The following QTMAN variants were observed in gnomAD, a reference collection of about 807,000 sequenced individuals.
QTMAN encodes the protein queuosine-tRNA mannosyltransferase.
chr2:143,994,235 G>A, the QTMAN span, among the ~76,000 whole-genome samples: 1 of 152,144 alleles, frequency 6.6e-6, no homozygotes. Context: ...ACACAGTACG[G>A]TGCCTGGCTT....
the QTMAN span, among the ~76,000 whole-genome samples, chr2:144,096,915 C>CCGATGTGA: frequency 2.6e-5 from 4 of 152,306 alleles, no homozygotes; most frequent in East Asian, 7.7e-4. Flanking sequence ...AAGTGATGTG[C>CCGATGTGA]AGAGAATAGT....
At chr2:144,213,433 TTA>T in the QTMAN span, among the ~76,000 whole-genome samples, 2 of 152,204 alleles carry the variant, frequency 1.3e-5, no homozygotes, top group African/African-American at 4.8e-5. Context: ...AAAATAAATT[TTA>T]GTCACACTGA....
At chr2:144,258,648 A>G in the QTMAN span, among the ~76,000 whole-genome samples, 4 of 152,200 alleles carry the variant, frequency 2.6e-5, no homozygotes, top group African/African-American at 7.2e-5. Context: ...TACAACATCC[A>G]TAAGCTCTTC....
At chr2:144,226,895 T>C in the QTMAN span, among the ~76,000 whole-genome samples, 1 of 152,254 alleles carries the variant, frequency 6.6e-6, no homozygotes, top group Middle Eastern at 3.4e-3. Flanking sequence ...GAGCCATTCC[T>C]TCTGCAGATT....
At chr2:144,034,016 C>T in the QTMAN span, among the ~76,000 whole-genome samples, 1 of 152,168 alleles carries the variant, frequency 6.6e-6, no homozygotes, top group South Asian at 2.1e-4. Context: ...AGTAAGTCTT[C>T]GAATATCCAG....
the QTMAN span, among the ~76,000 whole-genome samples, chr2:144,126,556 A>G: frequency 6.6e-6 from 1 of 152,088 alleles, no homozygotes; most frequent in African/African-American, 2.4e-5. Flanking sequence ...TCCTCACTTA[A>G]CGGCTTCAAT....
At chr2:144,047,921 T>C in the QTMAN span, among the ~76,000 whole-genome samples, 4 of 152,230 alleles carry the variant, frequency 2.6e-5, 1 homozygote, top group Admixed American at 1.3e-4. Flanking sequence ...TATTTAACTA[T>C]TGAAGAAATT....
the QTMAN span, among the ~76,000 whole-genome samples, chr2:144,209,141 G>A: frequency 3.3e-5 from 5 of 152,280 alleles, no homozygotes; most frequent in Non-Finnish European, 5.9e-5. Flanking sequence ...TTGTTCGGCT[G>A]TAAGCCTAAC....
At chr2:143,955,824 CTTTA>C in the QTMAN span, among the ~76,000 whole-genome samples, 4 of 152,206 alleles carry the variant, frequency 2.6e-5, no homozygotes, top group Admixed American at 6.5e-5. Flanking sequence ...CTTTCTCCTA[CTTTA>C]TTTGTGTAAA....
At chr2:144,093,208 A>G in the QTMAN span, among the ~76,000 whole-genome samples, 8 of 152,220 alleles carry the variant, frequency 5.3e-5, no homozygotes, top group Admixed American at 3.9e-4. Context: ...AAAGAGTTCT[A>G]AAGTTCTAAG....
the QTMAN span, among the ~76,000 whole-genome samples, chr2:144,031,755 T>A: frequency 5.2e-4 from 79 of 152,096 alleles, 1 homozygote; most frequent in African/African-American, 1.5e-3. Context: ...TATGATTACT[T>A]CTTCTTCTTC....
chr2:144,129,089 G>A, the QTMAN span, among the ~76,000 whole-genome samples: 2 of 151,616 alleles, frequency 1.3e-5, no homozygotes, highest in Non-Finnish European at 2.9e-5. Flanking sequence ...ATGCACTTAA[G>A]GATTCCGTAT....
chr2:144,036,376 T>A, the QTMAN span, among the ~76,000 whole-genome samples: 1 of 152,202 alleles, frequency 6.6e-6, no homozygotes, highest in Non-Finnish European at 1.5e-5. Context: ...TCTTTATTAA[T>A]TGACAAAAGA....
At chr2:144,288,706 C>T in the QTMAN span, among the ~76,000 whole-genome samples, 2 of 152,172 alleles carry the variant, frequency 1.3e-5, no homozygotes, top group Non-Finnish European at 1.5e-5. Flanking sequence ...ATGAGAATAT[C>T]CCTGGAATTG....
chr2:143,970,920 T>C, the QTMAN span, among the ~76,000 whole-genome samples: 10 of 152,228 alleles, frequency 6.6e-5, no homozygotes, highest in South Asian at 2.1e-4. Context: ...CTTCACACTA[T>C]AGCATCAGCA....
At chr2:143,967,644 T>C in the QTMAN span, among the ~76,000 whole-genome samples, 1 of 152,144 alleles carries the variant, frequency 6.6e-6, no homozygotes, top group African/African-American at 2.4e-5. Context: ...AATGATAATG[T>C]AGTACCCAAA....
the QTMAN span, among the ~76,000 whole-genome samples, chr2:144,105,211 A>T: frequency 6.6e-6 from 1 of 152,188 alleles, no homozygotes; most frequent in Non-Finnish European, 1.5e-5. Flanking sequence ...TCCCCCTCCA[A>T]AGGAACGCAG....
chr2:144,298,082 G>C, the QTMAN span, among the ~76,000 whole-genome samples: 1 of 150,436 alleles, frequency 6.6e-6, no homozygotes, highest in South Asian at 2.1e-4. Flanking sequence ...GCAATGGCGC[G>C]ATCTCGGCTC....
At chr2:144,273,294 C>T in the QTMAN span, among the ~76,000 whole-genome samples, 1 of 151,514 alleles carries the variant, frequency 6.6e-6, no homozygotes, top group African/African-American at 2.4e-5. Context: ...TTCTAGAAAA[C>T]TTCTCCAGGG....
Sources: allele counts gnomAD v4.1 joint callset (sites outside exome capture counted in the v4.1 genomes callset), GRCh38; gene constraint gnomAD v4.1.1; transcripts MANE v1.5; gene names NCBI Gene and HGNC (gene_info 2026-07-23, HGNC 2026-07-21).